The following FGGY variants were observed in gnomAD, a reference collection of about 807,000 sequenced individuals.
FGGY encodes FGGY carbohydrate kinase domain containing.
Under a neutral mutation model 71.3 loss-of-function variants are expected in FGGY, and 72 were observed. The ratio of observed to expected loss-of-function variants is 1.01; its 90% CI spans 0.84 to 1.23. The LOEUF is 1.23. FGGY is among the 50% of genes most tolerant of loss of function. The pLI is 0.00. For synonymous variants in FGGY, 251 were observed against 250.3 expected (o/e 1.00, Z -0.02); for missense variants, 668 against 682.3 (o/e 0.98, Z 0.23).
intron 5 of FGGY, among the ~76,000 whole-genome samples, chr1:59,436,399 C>T (rs978698077): frequency 3.3e-5 from 5 of 152,022 alleles, no homozygotes; most frequent in African/African-American, 1.2e-4. Context: ...CCTCAAGTGC[C>T]CCTCATTGCA....
At chr1:59,299,604 A>G (rs1395534090) in intron 1 of FGGY, among the ~76,000 whole-genome samples, 1 of 141,234 alleles carries the variant, frequency 7.1e-6, no homozygotes, top group Non-Finnish European at 1.5e-5. Context: ...TTGAATATCA[A>G]ATTTTCTTTT....
At chr1:59,696,118 G>A (rs1224868585) in intron 14 of FGGY, among the ~76,000 whole-genome samples, 2 of 152,142 alleles carry the variant, frequency 1.3e-5, no homozygotes, top group Non-Finnish European at 2.9e-5. Flanking sequence ...AGTTCTGCTG[G>A]TTCAAAATTG....
In FGGY at chr1:59,546,181, A is replaced by T. The variant is rs140871167; in HGVS notation, c.800-7943A>T. Among the ~76,000 whole-genome samples the T allele has an allele frequency of 1.0e-3, 152 of 152,280 alleles. 2 individuals carry two copies. The East Asian group carries it at 0.028, about 28-fold the overall frequency. On this transcript the variant is annotated intron_variant, in intron 7 of 15. Transcript: ENST00000303721. ...TCCCAGACATTGTTCCCCTCAGTTAATCTCCATGATAGCCCTATAAGCCAC... is the reference window on the plus strand; with the variant it reads ...TCCCAGACATTGTTCCCCTCAGTTATTCTCCATGATAGCCCTATAAGCCAC...
chr1:59,305,581 G>A (rs1279586095), intron 1 of FGGY, among the ~76,000 whole-genome samples: 1 of 152,172 alleles, frequency 6.6e-6, no homozygotes, highest in Non-Finnish European at 1.5e-5. Context: ...CTCATAAAAT[G>A]AGTGTGGAAG....
intron 9 of FGGY, among the ~76,000 whole-genome samples, chr1:59,616,564 T>A (rs925122802): frequency 3.3e-5 from 5 of 152,078 alleles, no homozygotes; most frequent in African/African-American, 1.2e-4. Flanking sequence ...CACACCAATA[T>A]GGCACATGTA....
At chr1:59,302,083 T>G (rs1355119947) in intron 1 of FGGY, among the ~76,000 whole-genome samples, 7 of 152,062 alleles carry the variant, frequency 4.6e-5, no homozygotes, top group Admixed American at 2.6e-4. Flanking sequence ...TGAATTACAT[T>G]TATTGGTTTT....
intron 8 of FGGY, among the ~76,000 whole-genome samples, chr1:59,605,668 G>GT (rs1215226759): frequency 6.6e-5 from 10 of 152,062 alleles, no homozygotes; most frequent in Admixed American, 2.6e-4. Context: ...TGCTGTTTTT[G>GT]TTTTTTGCCT....
At chr1:59,399,829 G>A (rs930385414) in intron 5 of FGGY, among the ~76,000 whole-genome samples, 2 of 152,152 alleles carry the variant, frequency 1.3e-5, no homozygotes, top group African/African-American at 4.8e-5. Flanking sequence ...TATACACTCA[G>A]GTATTGATGT....
intron 14 of FGGY, among the ~76,000 whole-genome samples, chr1:59,701,916 A>G (rs1210666581): frequency 6.6e-6 from 1 of 152,164 alleles, no homozygotes; most frequent in Non-Finnish European, 1.5e-5. Flanking sequence ...AGCTCATGAA[A>G]TGGAGATTGT....
chr1:59,589,116 C>T (rs1391369122), intron 8 of FGGY, among the ~76,000 whole-genome samples: 3 of 151,418 alleles, frequency 2.0e-5, no homozygotes, highest in Non-Finnish European at 4.4e-5. Flanking sequence ...AAATGGAAAA[C>T]AAAAAAAGGC....
intron 14 of FGGY, among the ~76,000 whole-genome samples, chr1:59,692,632 G>T (rs1573291538): frequency 7.4e-6 from 1 of 135,594 alleles, no homozygotes; most frequent in Admixed American, 8.0e-5. Flanking sequence ...TAGATGAGAG[G>T]ACAAAAAAAA....
At chr1:59,533,147 C>T (rs899087383) in intron 7 of FGGY, among the ~76,000 whole-genome samples, 4 of 152,178 alleles carry the variant, frequency 2.6e-5, no homozygotes, top group Admixed American at 1.3e-4. Flanking sequence ...CAGTGGGTGC[C>T]GCGCACCATG....
intron 4 of FGGY, among the ~76,000 whole-genome samples, chr1:59,347,144 G>A (rs1007951199): frequency 2.7e-5 from 4 of 148,216 alleles, no homozygotes; most frequent in Non-Finnish European, 4.4e-5. Flanking sequence ...TGTGCACAAC[G>A]TGCAGGTTAG....
At chr1:59,443,776 T>C (rs1408299397) in intron 5 of FGGY, among the ~76,000 whole-genome samples, 9 of 152,200 alleles carry the variant, frequency 5.9e-5, no homozygotes, top group African/African-American at 2.2e-4. Flanking sequence ...GATAGGTATG[T>C]ATGTTTTCTG....
intron 8 of FGGY, among the ~76,000 whole-genome samples, chr1:59,561,700 C>T (rs2095795898): frequency 6.6e-6 from 1 of 152,154 alleles, no homozygotes; most frequent in Non-Finnish European, 1.5e-5. Context: ...CATACTGTCC[C>T]TCATTTTACA....
chr1:59,449,980 T>A (rs1352921441), intron 5 of FGGY, among the ~76,000 whole-genome samples: 1 of 152,188 alleles, frequency 6.6e-6, no homozygotes, highest in East Asian at 1.9e-4. Flanking sequence ...AAAAGTAGAA[T>A]AAGTTTCTTT....
At chr1:59,471,888 G>A (rs761369902) in intron 6 of FGGY, among the ~76,000 whole-genome samples, 2 of 152,346 alleles carry the variant, frequency 1.3e-5, no homozygotes, top group East Asian at 3.9e-4. Context: ...CACTGGTGGT[G>A]GTATCAAGGA....
rs114872971 is a variant in FGGY, at chr1:59,712,231, G to A, written c.1512+38098G>A. ...TCCTTTGACTGTGTCTCACATCCAG[G>A]TCACACTCATGCAAGATGTAGGTTC... On this transcript the variant is annotated intron_variant, in intron 14 of 15. Transcript: ENST00000303721. 7.0e-3 allele frequency among the ~76,000 whole-genome samples: 1,071 copies of A among 152,258 alleles called. 14 individuals carry two copies. The highest frequency in any genetic ancestry group is 0.024 in the African/African-American group (1,009 of 41,556).
Position 59,613,787 on chromosome 1 carries a change from T to C in FGGY, c.1011+5877T>C, listed in dbSNP as rs547126632. 6.5e-4 allele frequency among the ~76,000 whole-genome samples: 99 copies of C among 151,822 alleles called. 2 individuals are homozygous for C. The highest frequency in any genetic ancestry group is 2.2e-3 in the African/African-American group (92 of 41,358). ...AAGAAGAAAAGAGAGAAGAATCAAATAGACACAATAAAAAATGATAAAGGG... is the reference window on the plus strand; with the variant it reads ...AAGAAGAAAAGAGAGAAGAATCAAACAGACACAATAAAAAATGATAAAGGG... On this transcript the variant is annotated intron_variant, in intron 9 of 15. Coordinates refer to ENST00000303721, the MANE Select transcript of FGGY (RefSeq NM_018291.5).
Sources: gnomAD v4.1 joint callset for allele counts (sites outside exome capture counted in the v4.1 genomes callset) on GRCh38, gnomAD v4.1.1 for gene constraint, MANE v1.5 for transcripts, NCBI Gene and HGNC (gene_info 2026-07-23, HGNC 2026-07-21) for gene names.